Variants in MYT1L observed in about 807,000 individuals in gnomAD.
MYT1L encodes the protein myelin transcription factor 1 like.
A neutral mutation model predicts 126.7 loss-of-function variants in MYT1L; 12 were observed. The ratio of observed to expected loss-of-function variants is 0.09; its 90% CI spans 0.06 to 0.15. The LOEUF (loss-of-function observed/expected upper bound fraction) is 0.15, where lower values mean the gene tolerates loss of function less well. Ranked by LOEUF, MYT1L falls within the 10% of genes least tolerant of loss-of-function variation. The pLI is 1.00. For synonymous variants in MYT1L, 541 were observed against 604.2 expected, an observed-to-expected ratio of 0.90 and a Z score of 1.53; for missense variants, 979 against 1,585.2, an observed-to-expected ratio of 0.62 and a Z score of 6.49.
At chr2:1,980,912 G>C (rs1336265796) in intron 5 of MYT1L, among the ~76,000 whole-genome samples, 1 of 152,130 alleles carries the variant, frequency 6.6e-6, no homozygotes, top group Non-Finnish European at 1.5e-5. Context: ...AGCAATAGAA[G>C]CTGGCCAAAG....
rs561892480 is a variant in MYT1L, at chr2:1,797,122, T to C, written c.3276+4574A>G. Among the ~76,000 whole-genome samples, 3 of 152,280 alleles carry C rather than the reference T, an allele frequency of 2.0e-5. No homozygotes were observed. In the East Asian group the frequency reaches 5.8e-4, roughly 30 times the overall value. On this transcript the variant is annotated intron_variant, in intron 23 of 24. Coordinates refer to ENST00000647738, the MANE Select transcript of MYT1L (RefSeq NM_001303052.2). ...GCTTGGGTGCTTCAGCCCTTGAAGCTGAGGCCACACTGAATCCAGTTGAAT... is the reference window on the plus strand; with the variant it reads ...GCTTGGGTGCTTCAGCCCTTGAAGCCGAGGCCACACTGAATCCAGTTGAAT...
intron 3 of MYT1L, among the ~76,000 whole-genome samples, chr2:2,088,586 C>T (rs2076588936): frequency 6.6e-6 from 1 of 151,808 alleles, no homozygotes; most frequent in African/African-American, 2.4e-5. Context: ...CAGCTGCGTC[C>T]AACCTGCACT....
intron 15 of MYT1L, among the ~76,000 whole-genome samples, chr2:1,890,828 G>A (rs1374045413): frequency 1.3e-5 from 2 of 151,898 alleles, no homozygotes; most frequent in Admixed American, 6.6e-5. Flanking sequence ...CTCCATCCCC[G>A]GAGCTGTTAC....
intron 2 of MYT1L, among the ~76,000 whole-genome samples, chr2:2,222,932 A>G (rs903515249): frequency 6.6e-6 from 1 of 152,226 alleles, no homozygotes; most frequent in Non-Finnish European, 1.5e-5. Flanking sequence ...ATGAAACCCA[A>G]AACTTAGAAT....
At chr2:1,796,699 C>T (rs1442461000) in intron 23 of MYT1L, among the ~76,000 whole-genome samples, 1 of 152,172 alleles carries the variant, frequency 6.6e-6, no homozygotes, top group African/African-American at 2.4e-5. Context: ...CCAGCCGGCT[C>T]CGAGCCATCC....
At chr2:1,869,095 T>C (rs2045953896) in intron 18 of MYT1L, among the ~76,000 whole-genome samples, 1 of 152,254 alleles carries the variant, frequency 6.6e-6, no homozygotes. Flanking sequence ...GCATGGTCTG[T>C]GCCTCACCGG....
chr2:2,329,869 C>CCTTTTTTT (rs923680619), intron 1 of MYT1L, among the ~76,000 whole-genome samples: 4 of 151,992 alleles, frequency 2.6e-5, no homozygotes, highest in Admixed American at 2.6e-4. Context: ...AAACAAACTT[C>CCTTTTTTT]CTTTTTTTCT....
intron 1 of MYT1L, chr2:2,324,658 C>G (rs1017163427): frequency 6.5e-6 from 1 of 152,760 alleles, no homozygotes; most frequent in African/African-American, 2.4e-5. Context: ...AGGCAGCAGA[C>G]AGACAGCGCC....
intron 1 of MYT1L, among the ~76,000 whole-genome samples, chr2:2,306,915 T>C (rs978087592): frequency 6.6e-5 from 10 of 152,152 alleles, no homozygotes; most frequent in Admixed American, 6.6e-4. Flanking sequence ...ATAAGGATCA[T>C]AAAAATACAC....
At chr2:1,872,234 A>G (rs1465274505) in intron 18 of MYT1L, among the ~76,000 whole-genome samples, 1 of 152,224 alleles carries the variant, frequency 6.6e-6, no homozygotes, top group African/African-American at 2.4e-5. Context: ...ACCCCCAGTC[A>G]TCCACCAGGG....
chr2:1,950,305 T>TC (rs2057627125), intron 8 of MYT1L, among the ~76,000 whole-genome samples: 1 of 152,144 alleles, frequency 6.6e-6, no homozygotes, highest in African/African-American at 2.4e-5. Flanking sequence ...TATCTATTTT[T>TC]CCCTAATGCC....
chr2:1,949,379 C>A (rs1003940462), intron 8 of MYT1L, among the ~76,000 whole-genome samples: 2 of 152,190 alleles, frequency 1.3e-5, no homozygotes, highest in Admixed American at 1.3e-4. Context: ...ACCCCCACCC[C>A]CTCCAAGCCA....
rs111904216 is a variant in MYT1L at position 1,955,142 on chromosome 2, CAAA to C, written c.153-11811_153-11809del. Among the ~76,000 whole-genome samples, 356 of 117,064 alleles carry C rather than the reference CAAA, an allele frequency of 3.0e-3. 3 individuals carry two copies. Among genetic ancestry groups the C allele is most frequent in the African/African-American group, 9.0e-3 (322 of 35,648 alleles). The allele number at this position is 117,064 out of a possible 152,430, so 76.8% of individuals were successfully genotyped here. ...TGGGCAACAGACAGAGAGTCCATCT[CAAA>C]AAAAAAAAAAATATGATTCTACGAG... On this transcript the variant is annotated intron_variant, in intron 8 of 24. Coordinates refer to ENST00000647738, the MANE Select transcript of MYT1L (RefSeq NM_001303052.2).
chr2:1,970,334 C>G (rs1342130724), intron 8 of MYT1L, among the ~76,000 whole-genome samples: 2 of 152,164 alleles, frequency 1.3e-5, no homozygotes, highest in Non-Finnish European at 2.9e-5. Context: ...AAGTATTTGC[C>G]GTGAGTGCAG....
At position 1,979,846 on chromosome 2, in the gene MYT1L, C is replaced by G; in HGVS notation, c.1-69G>C. The G allele has an allele frequency of 6.5e-7, 1 of 1,530,778 alleles. No homozygotes were observed. The highest frequency in any genetic ancestry group is 1.1e-5 in the South Asian group (1 of 88,378). The allele number at this position is 1,530,778 out of a possible 1,614,324, so 94.8% of individuals were successfully genotyped here. On this transcript the variant is annotated intron_variant, in intron 5 of 24. Transcript: ENST00000647738. This position sits in a 1 kb window ranked among gnomAD's most constrained non-coding sequence, Gnocchi z 4.0. ...GCAGGCCAGCCCTGCAGGGGCGGCT[C>G]ACTCTCCCTGGCATTCTATTAATGG...
intron 21 of MYT1L, among the ~76,000 whole-genome samples, chr2:1,829,357 A>G (rs113612807): frequency 0.12 from 1,673 of 13,906 alleles, 17 homozygotes; most frequent in Middle Eastern, 0.33. Flanking sequence ...ACCCTCCCAT[A>G]CACCTGTGAA....
chr2:1,831,219 C>T (rs116372160), intron 21 of MYT1L, among the ~76,000 whole-genome samples: 2,494 of 149,790 alleles, frequency 0.017, 64 homozygotes, highest in African/African-American at 0.057. Context: ...CCTGGCTCCC[C>T]CCAGATGGAG....
At chr2:1,946,991 G>A (rs1005130509) in intron 8 of MYT1L, among the ~76,000 whole-genome samples, 10 of 152,084 alleles carry the variant, frequency 6.6e-5, no homozygotes, top group Non-Finnish European at 2.9e-5. Flanking sequence ...TTGGTGTCGC[G>A]GGTCATAATG....
intron 3 of MYT1L, among the ~76,000 whole-genome samples, chr2:2,161,032 C>A (rs1001712330): frequency 2.0e-5 from 3 of 152,030 alleles, no homozygotes; most frequent in African/African-American, 4.8e-5. Context: ...TCCTGCCCAA[C>A]GTGGTGAAAC....
Sources: allele counts gnomAD v4.1 joint callset (sites outside exome capture counted in the v4.1 genomes callset), GRCh38; gene constraint gnomAD v4.1.1; non-coding constraint Gnocchi (gnomAD v3.1); transcripts MANE v1.5; gene names NCBI Gene and HGNC (gene_info 2026-07-23, HGNC 2026-07-21).